Variants in TMEM163 observed in about 807,000 individuals in gnomAD.
TMEM163 encodes transmembrane protein 163.
Under a neutral mutation model 29.3 loss-of-function variants are expected in TMEM163, and 17 were observed. The ratio of observed to expected loss-of-function variants is 0.58; its 90% CI spans 0.40 to 0.87. The LOEUF (loss-of-function observed/expected upper bound fraction) is 0.87, where lower values mean the gene tolerates loss of function less well. TMEM163 is among the 40% of genes least tolerant of loss of function. The probability of loss-of-function intolerance (pLI) is 0.00; values close to 1 mark genes in which losing one functional copy is unlikely to be tolerated. For missense variants in TMEM163, 303 were observed against 381.5 expected (o/e 0.79, Z 1.71); for synonymous variants, 157 against 160.6 (o/e 0.98, Z 0.17).
intron 4 of TMEM163, among the ~76,000 whole-genome samples, chr2:134,508,791 T>C (rs1679883274): frequency 7.1e-6 from 1 of 140,830 alleles, no homozygotes; most frequent in Non-Finnish European, 1.6e-5. Flanking sequence ...TCTCCATCCA[T>C]TTCCCATCTC....
At chr2:134,642,167 C>T (rs1683236937) in intron 2 of TMEM163, among the ~76,000 whole-genome samples, 2 of 151,906 alleles carry the variant, frequency 1.3e-5, no homozygotes, top group South Asian at 4.2e-4. Context: ...CTCTGTCGCC[C>T]AGGCTGGAGT....
intron 4 of TMEM163, among the ~76,000 whole-genome samples, chr2:134,508,223 A>T (rs774806033): frequency 2.6e-5 from 4 of 152,184 alleles, no homozygotes; most frequent in Non-Finnish European, 5.9e-5. Context: ...AGAGCCAAAC[A>T]AGAGAAGCTT....
At position 134,460,591 on chromosome 2, in the gene TMEM163, C is replaced by A. The variant is rs1266848984; in HGVS notation, c.668-2418G>T. On this transcript the variant is annotated intron_variant, in intron 6 of 7. Coordinates refer to ENST00000281924, the MANE Select transcript of TMEM163 (RefSeq NM_030923.5). The surrounding 1 kb of genome is among the most constrained non-coding windows in gnomAD (Gnocchi z 4.3). ...GAGGAAGTAGGCAGGCAGGCATGGG[C>A]CCAGCCTGAGCGCCACCCCTGCCTG... 6.6e-6 allele frequency among the ~76,000 whole-genome samples: 1 copy of A among 152,064 alleles called. No individual in the cohort carries two copies. Among genetic ancestry groups the A allele is most frequent in the Non-Finnish European group, 1.5e-5 (1 of 67,996 alleles).
At chr2:134,644,212 A>G (rs1683282229) in intron 2 of TMEM163, among the ~76,000 whole-genome samples, 1 of 152,182 alleles carries the variant, frequency 6.6e-6, no homozygotes. Context: ...GATTTAAGAA[A>G]AGGCCATTGA....
chr2:134,480,161 T>C (rs191235660), intron 5 of TMEM163, among the ~76,000 whole-genome samples: 1 of 152,292 alleles, frequency 6.6e-6, no homozygotes, highest in Admixed American at 6.5e-5. Flanking sequence ...CCAAACCAGC[T>C]GGATAAAGGG....
chr2:134,534,310 T>C (rs1006728959), intron 4 of TMEM163, among the ~76,000 whole-genome samples: 4 of 152,034 alleles, frequency 2.6e-5, no homozygotes, highest in Non-Finnish European at 5.9e-5. Context: ...GGAAACAAAA[T>C]GTAGGCTACA....
At chr2:134,611,978 C>T (rs1015971536) in intron 2 of TMEM163, among the ~76,000 whole-genome samples, 4 of 152,328 alleles carry the variant, frequency 2.6e-5, no homozygotes, top group African/African-American at 4.8e-5. Context: ...TTCCTCCCAA[C>T]AGGGGAAGTG....
At chr2:134,462,332 C>G (rs1686562646) in intron 6 of TMEM163, among the ~76,000 whole-genome samples, 1 of 152,178 alleles carries the variant, frequency 6.6e-6, no homozygotes, top group South Asian at 2.1e-4. Context: ...TGCTCCCCAC[C>G]ACCAATGACC....
intron 2 of TMEM163, among the ~76,000 whole-genome samples, chr2:134,692,240 G>A (rs914091839): frequency 3.3e-5 from 5 of 151,998 alleles, no homozygotes; most frequent in South Asian, 4.2e-4. Flanking sequence ...TCAGCCCAGC[G>A]ATCCTGATTT....
intron 4 of TMEM163, among the ~76,000 whole-genome samples, chr2:134,534,744 A>G (rs1402677317): frequency 2.0e-5 from 3 of 151,868 alleles, no homozygotes; most frequent in Non-Finnish European, 4.4e-5. Flanking sequence ...ACACAGTGAG[A>G]CTCCATCTCA....
At chr2:134,651,791 T>C (rs1220112190) in intron 2 of TMEM163, among the ~76,000 whole-genome samples, 2 of 118,960 alleles carry the variant, frequency 1.7e-5, no homozygotes, top group African/African-American at 8.1e-5. Context: ...GCACCATTTA[T>C]TAAATAGGGA....
intron 5 of TMEM163, among the ~76,000 whole-genome samples, chr2:134,495,421 C>A (rs769416037): frequency 3.3e-5 from 5 of 152,214 alleles, no homozygotes; most frequent in Non-Finnish European, 5.9e-5. Context: ...CTGTCTCGAT[C>A]CTCCTCAAGG....
At chr2:134,504,561 C>T (rs842130) in intron 4 of TMEM163, among the ~76,000 whole-genome samples, 29,819 of 151,338 alleles carry the variant, frequency 0.2, 3,290 homozygotes, top group South Asian at 0.37. Flanking sequence ...TCAACTGTAA[C>T]TTGCCACACC....
At chr2:134,593,352 T>A (rs1275090309) in intron 2 of TMEM163, among the ~76,000 whole-genome samples, 1 of 152,168 alleles carries the variant, frequency 6.6e-6, no homozygotes, top group Admixed American at 6.5e-5. Context: ...GACAGCTACA[T>A]GGACCCCAGA....
intron 2 of TMEM163, among the ~76,000 whole-genome samples, chr2:134,646,148 G>A (rs1166444628): frequency 6.6e-6 from 1 of 150,972 alleles, no homozygotes. Context: ...GCAATGGTAC[G>A]ATCTCAGCTT....
At chr2:134,592,790 AATATAG>A (rs949509663) in intron 2 of TMEM163, among the ~76,000 whole-genome samples, 4 of 151,872 alleles carry the variant, frequency 2.6e-5, no homozygotes, top group South Asian at 2.1e-4. Context: ...TACAGATATT[AATATAG>A]ATATAGATAG....
In TMEM163 at chr2:134,677,714, G is replaced by C. The variant is rs548156720; in HGVS notation, c.322+35486C>G. Among the ~76,000 whole-genome samples, 12 of 152,322 alleles carry C rather than the reference G, an allele frequency of 7.9e-5. No individual in the cohort carries two copies. The South Asian group carries it at 2.3e-3, about 29-fold the overall frequency. The stretch of plus-strand genomic sequence containing the variant: ...AAATGGCTGTCCCTGAGATACAGAA[G>C]AGTAGAGGATTATTTCCCATTTTTT... On this transcript the variant is annotated intron_variant, in intron 2 of 7. Coordinates refer to ENST00000281924, the MANE Select transcript of TMEM163 (RefSeq NM_030923.5).
chr2:134,507,474 A>G (rs1488736508), intron 4 of TMEM163, among the ~76,000 whole-genome samples: 4 of 152,186 alleles, frequency 2.6e-5, no homozygotes, highest in Non-Finnish European at 5.9e-5. Flanking sequence ...GAGTGAGTCC[A>G]CCCCAGACCT....
intron 2 of TMEM163, among the ~76,000 whole-genome samples, chr2:134,696,294 T>C (rs1684580063): frequency 6.6e-6 from 1 of 152,202 alleles, no homozygotes; most frequent in Non-Finnish European, 1.5e-5. Flanking sequence ...GGTCTATTTG[T>C]TCCTAAAAAT....
Sources: allele counts gnomAD v4.1 joint callset (sites outside exome capture counted in the v4.1 genomes callset), GRCh38; gene constraint gnomAD v4.1.1; non-coding constraint Gnocchi (gnomAD v3.1); transcripts MANE v1.5; gene names NCBI Gene and HGNC (gene_info 2026-07-23, HGNC 2026-07-21).